The following TRPM3 variants were observed in gnomAD, a reference collection of about 807,000 sequenced individuals.
TRPM3 encodes long transient receptor potential channel 3.
Under a neutral mutation model 181.2 loss-of-function variants are expected in TRPM3, and 77 were observed. The observed-to-expected ratio is 0.42, with a 90% CI of 0.35 to 0.51. The LOEUF is 0.51. Among genes scored for constraint, TRPM3 ranks in the 20% least tolerant of loss-of-function variants. TRPM3 has a pLI of 0.01. For missense variants in TRPM3, 1,759 were observed against 2,196.7 expected, an observed-to-expected ratio of 0.80 and a Z score of 3.98; for synonymous variants, 745 against 796.4, an observed-to-expected ratio of 0.94 and a Z score of 1.09.
chr9:71,060,509 A>G (rs566471790), intron 1 of TRPM3, among the ~76,000 whole-genome samples: 20 of 152,244 alleles, frequency 1.3e-4, no homozygotes, highest in East Asian at 7.8e-4. Flanking sequence ...CTATGTTTCA[A>G]ACCCAGGCCT....
In TRPM3 at chr9:71,198,874, T is replaced by C. The variant is rs1481664435; in HGVS notation, c.183+247779A>G. 1.2e-3 allele frequency among the ~76,000 whole-genome samples: 146 copies of C among 119,650 alleles called. 8 individuals are homozygous for C. The highest frequency in any genetic ancestry group is 3.9e-3 in the African/African-American group (139 of 35,288). 78.5% of individuals were successfully genotyped at this position (119,650 alleles called of 152,430 possible). A position where few individuals can be genotyped will look rare whatever the true frequency, so the allele number is the denominator to read the frequency against. ...CTGAATACCCTTTATTTCCTTCTCC[T>C]GTCTAATTGCCCTGGCCAGAACTTC... On this transcript the variant is annotated intron_variant, in intron 1 of 24. Coordinates refer to the TRPM3 transcript ENST00000357533.
chr9:71,169,043 G>T (rs923726272), intron 1 of TRPM3, among the ~76,000 whole-genome samples: 1 of 152,144 alleles, frequency 6.6e-6, no homozygotes, highest in Non-Finnish European at 1.5e-5. Context: ...TCAGGCATTG[G>T]CATCAGGGAG....
At chr9:71,118,002 A>C (rs961347262) in intron 1 of TRPM3, among the ~76,000 whole-genome samples, 22 of 152,224 alleles carry the variant, frequency 1.4e-4, no homozygotes, top group Non-Finnish European at 2.5e-4. Context: ...TAGACCTGAT[A>C]ATGAATATGA....
intron 1 of TRPM3, among the ~76,000 whole-genome samples, chr9:71,266,960 C>CCAA (rs1358881193): frequency 3.2e-5 from 4 of 125,426 alleles, no homozygotes; most frequent in African/African-American, 1.2e-4. Flanking sequence ...CTTCTCTGGC[C>CCAA]AAAAAAAAAA....
intron 1 of TRPM3, among the ~76,000 whole-genome samples, chr9:71,201,139 GT>G (rs1554844857): frequency 6.6e-6 from 1 of 151,558 alleles, no homozygotes; most frequent in Non-Finnish European, 1.5e-5. Context: ...ATGAAGCTTA[GT>G]TTGGCTGGAT....
At chr9:70,901,449 T>A (rs2096385646) in intron 1 of TRPM3, among the ~76,000 whole-genome samples, 1 of 152,196 alleles carries the variant, frequency 6.6e-6, no homozygotes, top group Non-Finnish European at 1.5e-5. Flanking sequence ...GTTAACTTTT[T>A]TTTTTTTAAC....
chr9:70,552,005 T>C lies in TRPM3; in HGVS notation c.3574+839A>G, dbSNP rs116026783. Among the ~76,000 whole-genome samples the C allele has an allele frequency of 2.9e-3, 435 of 152,304 alleles. 4 individuals are homozygous for C. The highest frequency in any genetic ancestry group is 0.014 in the Middle Eastern group (4 of 294). Reference sequence around the variant, plus strand: ...ACCAAATCGTTTTGGTTTCAAACCTTAGATATACTGGTGACCACACAGAGG... The same window carrying C: ...ACCAAATCGTTTTGGTTTCAAACCTCAGATATACTGGTGACCACACAGAGG... On this transcript the variant is annotated intron_variant, in intron 24 of 25. Coordinates refer to ENST00000677713, the MANE Select transcript of TRPM3 (RefSeq NM_001366145.2).
chr9:70,883,251 C>T (rs2096026221), intron 1 of TRPM3, among the ~76,000 whole-genome samples: 1 of 152,122 alleles, frequency 6.6e-6, no homozygotes, highest in African/African-American at 2.4e-5. Flanking sequence ...AAAAAATCCA[C>T]CAGTGGTCAC....
At chr9:71,231,129 T>A (rs2081023947) in intron 1 of TRPM3, among the ~76,000 whole-genome samples, 2 of 152,150 alleles carry the variant, frequency 1.3e-5, no homozygotes, top group Admixed American at 1.3e-4. Flanking sequence ...TCAAAGATAG[T>A]CATATCCTAA....
At chr9:71,333,178 A>C (rs894180431) in intron 1 of TRPM3, among the ~76,000 whole-genome samples, 1 of 151,920 alleles carries the variant, frequency 6.6e-6, no homozygotes, top group East Asian at 1.9e-4. Context: ...AGCAGGGAAC[A>C]TGAATCCGTT....
At chr9:71,117,555 C>A (rs758485893) in intron 1 of TRPM3, among the ~76,000 whole-genome samples, 1 of 151,896 alleles carries the variant, frequency 6.6e-6, no homozygotes, top group Non-Finnish European at 1.5e-5. Flanking sequence ...CCAGTCAAGA[C>A]CCAAACCCTT....
At chr9:71,067,450 T>C (rs2062073666) in intron 1 of TRPM3, among the ~76,000 whole-genome samples, 1 of 152,132 alleles carries the variant, frequency 6.6e-6, no homozygotes, top group East Asian at 1.9e-4. Flanking sequence ...AAAGACTCCA[T>C]AGAAAGAAAC....
At position 70,784,129 on chromosome 9, in the gene TRPM3, C is replaced by A; in HGVS notation, c.1124G>T (p.Gly375Val). The change falls in exon 7 of 26, where the codon GGG (glycine) becomes GTG (valine). Residue 375 changes from glycine (G) to valine (V), a missense_variant. Gly to Val is a moderately radical substitution (Grantham distance 109, BLOSUM62 -3). Transcript: ENST00000677713. ...SGRASDILAFGHKYSEEGGLI... is the reference protein window; with the variant it reads ...SGRASDILAFVHKYSEEGGLI... ...CCCGCCTTCTTCTGAGTATTTATGC[C>A]CAAAGGCCAGGATGTCCGATGCCCG... The A allele has an allele frequency of 6.2e-7, 1 of 1,613,438 alleles. No homozygotes were observed. Among genetic ancestry groups the A allele is most frequent in the Non-Finnish European group, 8.5e-7 (1 of 1,179,714 alleles).
chr9:71,116,729 T>G (rs1297059660), intron 1 of TRPM3, among the ~76,000 whole-genome samples: 2 of 151,890 alleles, frequency 1.3e-5, no homozygotes, highest in African/African-American at 4.8e-5. Flanking sequence ...GGCTTTTGAC[T>G]AGATTCCCCC....
intron 1 of TRPM3, among the ~76,000 whole-genome samples, chr9:71,211,120 T>C (rs959306106): frequency 5.9e-5 from 9 of 152,128 alleles, no homozygotes; most frequent in Non-Finnish European, 1.3e-4. Flanking sequence ...AGGGTGTTGC[T>C]CCTATTCATG....
intron 1 of TRPM3, among the ~76,000 whole-genome samples, chr9:70,878,791 G>A (rs2095922230): frequency 6.6e-6 from 1 of 152,060 alleles, no homozygotes; most frequent in Non-Finnish European, 1.5e-5. Context: ...AGCATCAGTA[G>A]CATCTGAGAA....
At chr9:70,834,011 G>T (rs1178037687) in intron 5 of TRPM3, among the ~76,000 whole-genome samples, 2 of 152,162 alleles carry the variant, frequency 1.3e-5, no homozygotes, top group African/African-American at 4.8e-5. Context: ...AGGATCTGTG[G>T]TTCCTCACAA....
At chr9:71,176,722 A>G (rs554294412) in intron 1 of TRPM3, among the ~76,000 whole-genome samples, 1 of 152,214 alleles carries the variant, frequency 6.6e-6, no homozygotes, top group African/African-American at 2.4e-5. Context: ...AGCTCCATTC[A>G]TGGTGCATGC....
chr9:70,857,162 G>A (rs1166868491), intron 3 of TRPM3, among the ~76,000 whole-genome samples: 4 of 152,112 alleles, frequency 2.6e-5, no homozygotes, highest in African/African-American at 4.8e-5. Context: ...CATTTATGGG[G>A]CATCTGAGTG....
Sources: gnomAD v4.1 joint callset for allele counts (sites outside exome capture counted in the v4.1 genomes callset) on GRCh38, gnomAD v4.1.1 for gene constraint, MANE v1.5 for transcripts, NCBI Gene and HGNC (gene_info 2026-07-23, HGNC 2026-07-21) for gene names.